Variants in NIBAN3 observed in about 807,000 individuals in gnomAD.
NIBAN3 encodes niban apoptosis regulator 3.
Under a neutral mutation model 76.4 loss-of-function variants are expected in NIBAN3, and 66 were observed. The ratio of observed to expected loss-of-function variants is 0.86; its 90% CI spans 0.71 to 1.06. The LOEUF (loss-of-function observed/expected upper bound fraction) is 1.06, where lower values mean the gene tolerates loss of function less well. NIBAN3 is among the 50% of genes least tolerant of loss of function. The pLI is 0.00. For missense variants in NIBAN3, 808 were observed against 810.7 expected (o/e 1.00, Z 0.04); for synonymous variants, 360 against 355.2 (o/e 1.01, Z -0.15).
upstream of NIBAN3, chr19:17,523,362 C>G (rs899434573): frequency 7.8e-6 from 11 of 1,402,672 alleles, no homozygotes; most frequent in African/African-American, 1.4e-4. Context: ...GAGAGTGGAG[C>G]CGAAACCACA....
chr19:17,554,675 G>A (rs1385672046), downstream of NIBAN3, among the ~76,000 whole-genome samples: 2 of 151,174 alleles, frequency 1.3e-5, no homozygotes, highest in African/African-American at 4.9e-5. Context: ...AGCTACTCAG[G>A]AGGCTGAAGC....
In NIBAN3 at chr19:17,528,252, T is replaced by C. The variant is rs565105547; in HGVS notation, c.55+857T>C. Among the ~76,000 whole-genome samples, 4 of 152,150 alleles carry C rather than the reference T, an allele frequency of 2.6e-5. No individual in the cohort carries two copies. In the South Asian group the frequency reaches 8.3e-4, roughly 32 times the overall value. ...GATTACAAGCATGTGCCACCATGCCTGACTAATTTTTGTATTTTTAGTAGA... is the reference window on the plus strand; with the variant it reads ...GATTACAAGCATGTGCCACCATGCCCGACTAATTTTTGTATTTTTAGTAGA... On this transcript the variant is annotated intron_variant, in intron 1 of 14. Transcript: ENST00000599164.
At position 17,544,685 on chromosome 19, in the gene NIBAN3, A is replaced by C. The variant is rs1238633908; in HGVS notation, c.1554+1054A>C. Among the ~76,000 whole-genome samples, 5 of 152,252 alleles carry C rather than the reference A, an allele frequency of 3.3e-5. No homozygotes were observed. In the South Asian group the frequency reaches 1.0e-3, roughly 32 times the overall value. ...GTGGCTGAAGCTCAGTGAGTGGAAG[A>C]GTGGGAAGGAGGTCAGCGGGAGTCC... On this transcript the variant is annotated intron_variant, in intron 12 of 14. Transcript: ENST00000599164.
At chr19:17,541,729 G>A (rs756285431) in intron 9 of NIBAN3, among the ~76,000 whole-genome samples, 26 of 150,594 alleles carry the variant, frequency 1.7e-4, no homozygotes, top group Admixed American at 4.0e-4. Context: ...TCATTTTGCC[G>A]CCCAGGCTGA....
chr19:17,530,639 A>G (rs1278601070), intron 1 of NIBAN3, 116 bp from the exon 2 acceptor site: 1 of 923,440 alleles, frequency 1.1e-6, no homozygotes, highest in Non-Finnish European at 1.5e-6. Context: ...ACTTGTCTGG[A>G]AGCTCAGGAT....
Position 17,550,728 on chromosome 19 carries a change from G to A in NIBAN3, c.1751-1058G>A, listed in dbSNP as rs186006070. On this transcript the variant is annotated intron_variant, in intron 14 of 14. Coordinates refer to ENST00000599164, the MANE Select transcript of NIBAN3 (RefSeq NM_001321827.2). ...AATATTTCAGGATTTGCAATTGGAT[G>A]TGAGGGATTGTAGATGGGCCCCTGA... 2.1e-3 allele frequency among the ~76,000 whole-genome samples: 326 copies of A among 152,072 alleles called. 5 individuals carry two copies. In the Middle Eastern group the frequency reaches 0.041, roughly 19 times the overall value.
At chr19:17,523,555 C>T (rs768198357), upstream of NIBAN3, 28 of 1,049,178 alleles carry the variant, frequency 2.7e-5, no homozygotes, top group Admixed American at 7.5e-5. Flanking sequence ...CACGGGGCTG[C>T]GAAGTGAAGG....
downstream of NIBAN3, among the ~76,000 whole-genome samples, chr19:17,554,798 AAT>A (rs2076199772): frequency 1.3e-4 from 1 of 7,590 alleles, no homozygotes; most frequent in South Asian, 1.5e-3. Flanking sequence ...AAAAAAAGAA[AAT>A]AATAATAATA....
chr19:17,530,336 C>T lies in NIBAN3; in HGVS notation c.56-419C>T, dbSNP rs543066505. Among the ~76,000 whole-genome samples the T allele has an allele frequency of 1.4e-4, 20 of 146,986 alleles. No homozygotes were observed. In the South Asian group the frequency reaches 4.3e-3, roughly 32 times the overall value. On this transcript the variant is annotated intron_variant, in intron 1 of 14. Transcript: ENST00000599164. Reference sequence around the variant, plus strand: ...CTCCATCAAAACAAAAAACAAAAAACAAAACAAAACAAAACAAAAAACCCG... The same window carrying T: ...CTCCATCAAAACAAAAAACAAAAAATAAAACAAAACAAAACAAAAAACCCG...
chr19:17,553,371 C>T lies in NIBAN3; in HGVS notation c.*1473C>T, dbSNP rs759941154. The T allele has an allele frequency of 1.1e-5, 18 of 1,614,056 alleles. No homozygotes were observed. The highest frequency in any genetic ancestry group is 8.9e-5 in the East Asian group (4 of 44,904). On this transcript the variant is annotated 3_prime_UTR_variant, in exon 15 of 15. Coordinates refer to ENST00000599164, the MANE Select transcript of NIBAN3 (RefSeq NM_001321827.2). Reference sequence around the variant, plus strand: ...CTGGGAGACAAGCTTTTACCGACTTCCTCTGCTTGCCAGCAAAGTCATCTG... The same window carrying T: ...CTGGGAGACAAGCTTTTACCGACTTTCTCTGCTTGCCAGCAAAGTCATCTG...
chr19:17,554,340 C>T (rs976078188), downstream of NIBAN3, among the ~76,000 whole-genome samples: 8 of 151,800 alleles, frequency 5.3e-5, no homozygotes, highest in Admixed American at 1.3e-4. Flanking sequence ...ATTAGCTGGG[C>T]GTGGTTGAGT....
upstream of NIBAN3, chr19:17,527,126 C>A: frequency 8.1e-7 from 1 of 1,233,662 alleles, no homozygotes; most frequent in Middle Eastern, 2.8e-4. Flanking sequence ...AACCCCGGGG[C>A]TGTCCCCGCA....
At position 17,537,483 on chromosome 19, in the gene NIBAN3, A is replaced by G. The variant is rs1381858858; in HGVS notation, c.535A>G (p.Arg179Gly). Residue 179 changes from arginine (R) to glycine (G), a missense_variant, in exon 5 of 15, where the codon AGG becomes GGG. Arg to Gly is a moderately radical substitution (Grantham distance 125). Coordinates refer to ENST00000599164, the MANE Select transcript of NIBAN3 (RefSeq NM_001321827.2). ...GCACCTCTGCTTCTCTGCAGCCACC[A>G]GGGAGGCACAGCATGCCTGGAGGCT... ...RRHLCFSAATREAQHAWRLAL... is the reference protein window; with the variant it reads ...RRHLCFSAATGEAQHAWRLAL... 6.2e-7 allele frequency: 1 copy of G among 1,612,896 alleles called. No homozygotes were observed. The highest frequency in any genetic ancestry group is 1.7e-5 in the Admixed American group (1 of 60,002).
chr19:17,523,782 T>G (rs2075579868), upstream of NIBAN3, among the ~76,000 whole-genome samples: 1 of 152,204 alleles, frequency 6.6e-6, no homozygotes, highest in African/African-American at 2.4e-5. Flanking sequence ...ACCCACTTCC[T>G]GCTGTTCCTG....
At chr19:17,538,632 A>G (rs758711691) in intron 5 of NIBAN3, among the ~76,000 whole-genome samples, 1 of 150,028 alleles carries the variant, frequency 6.7e-6, no homozygotes, top group African/African-American at 2.5e-5. Context: ...AAGAGAGAGA[A>G]AAGAAAAGAA....
intron 3 of NIBAN3, 56 bp downstream of exon 3, chr19:17,532,444 C>T: frequency 6.2e-7 from 1 of 1,613,318 alleles, no homozygotes; most frequent in African/African-American, 1.3e-5. Flanking sequence ...CCACCCCCGT[C>T]AGCCTCAAGG....
At position 17,552,480 on chromosome 19, in the gene NIBAN3, A is replaced by T. The variant is rs995784255; in HGVS notation, c.*582A>T. The T allele has an allele frequency of 3.9e-5, 6 of 152,172 alleles. No homozygotes were observed. The highest frequency in any genetic ancestry group is 3.3e-4 in the Admixed American group (5 of 15,256). The allele number at this position is 152,172 out of a possible 1,614,324, so 9.4% of individuals were successfully genotyped here. On this transcript the variant is annotated 3_prime_UTR_variant, in exon 15 of 15. Transcript: ENST00000599164. ...CAATCCTCCTGCCTTGGCCTCCCAAAGTGCTAGGATTATAGGAGTGATCCA... is the reference window on the plus strand; with the variant it reads ...CAATCCTCCTGCCTTGGCCTCCCAATGTGCTAGGATTATAGGAGTGATCCA...
chr19:17,528,080 T>TTG lies in NIBAN3; in HGVS notation c.55+686_55+687insGT, dbSNP rs914323619. Among the ~76,000 whole-genome samples the TTG allele has an allele frequency of 9.7e-4, 148 of 151,936 alleles. 1 individual carries two copies. Among genetic ancestry groups the TTG allele is most frequent in the South Asian group, 1.5e-3 (7 of 4,812 alleles). On this transcript the variant is annotated intron_variant, in intron 1 of 14. Coordinates refer to ENST00000599164, the MANE Select transcript of NIBAN3 (RefSeq NM_001321827.2). The stretch of plus-strand genomic sequence containing the variant: ...ACCAATTACCCCTTTATGGTTTTTT[T>TTG]TTTGTTTGTTTTGTTTTGTTTTGTT...
In NIBAN3 at chr19:17,543,301, GC is replaced by G; in HGVS notation, c.1330-15del. On this transcript the variant is annotated splice_polypyrimidine_tract_variant and intron_variant, in intron 10 of 14. Coordinates refer to ENST00000599164, the MANE Select transcript of NIBAN3 (RefSeq NM_001321827.2). ...GAGCACAGATTCTGGGGTCATCATA[GC>G]ATCTCCTCCCACAGCTCATGGCTGA... 1 of 1,515,344 alleles carries G rather than the reference GC, an allele frequency of 6.6e-7. No homozygotes were observed. The highest frequency in any genetic ancestry group is 1.4e-5 in the African/African-American group (1 of 72,588). 93.9% of individuals were successfully genotyped at this position (1,515,344 alleles called of 1,614,324 possible).
Sources: gnomAD v4.1 joint callset for allele counts (sites outside exome capture counted in the v4.1 genomes callset) on GRCh38, gnomAD v4.1.1 for gene constraint, MANE v1.5 for transcripts, NCBI Gene and HGNC (gene_info 2026-07-23, HGNC 2026-07-21) for gene names.